Variants in ABLIM1 observed in about 807,000 individuals in gnomAD.
ABLIM1 encodes actin-binding LIM protein 1.
A neutral mutation model predicts 107.0 loss-of-function variants in ABLIM1; 40 were observed. The ratio of observed to expected loss-of-function variants is 0.37; its 90% CI spans 0.29 to 0.49. The LOEUF (loss-of-function observed/expected upper bound fraction) is 0.49. ABLIM1 is among the 20% of genes least tolerant of loss of function. The pLI, the probability that ABLIM1 is intolerant of heterozygous loss-of-function variation, is 0.97. For synonymous variants in ABLIM1, 357 were observed against 357.3 expected (o/e 1.00, Z 0.01); for missense variants, 857 against 1,008.5 (o/e 0.85, Z 2.04).
intron 1 of ABLIM1, among the ~76,000 whole-genome samples, chr10:114,624,569 T>A (rs1349194236): frequency 6.6e-6 from 1 of 152,122 alleles, no homozygotes; most frequent in Non-Finnish European, 1.5e-5. Context: ...AGGCCCAACC[T>A]CCATTTCAGA....
chr10:114,585,587 T>C (rs564346142), intron 2 of ABLIM1, among the ~76,000 whole-genome samples: 1 of 152,306 alleles, frequency 6.6e-6, no homozygotes, highest in Admixed American at 6.5e-5. Context: ...CCTGCTCTAC[T>C]TTGCCAAATG....
chr10:114,534,363 C>G (rs2065766532), intron 6 of ABLIM1, among the ~76,000 whole-genome samples: 1 of 152,052 alleles, frequency 6.6e-6, no homozygotes, highest in Non-Finnish European at 1.5e-5. Flanking sequence ...AACTATATCC[C>G]TTACTGCACT....
At chr10:114,485,168 G>T in intron 8 of ABLIM1, 1 of 588,056 alleles carries the variant, frequency 1.7e-6, no homozygotes, top group Non-Finnish European at 2.8e-6. Flanking sequence ...GGCGCTTGTG[G>T]TGTGAGAAAA....
At position 114,435,649 on chromosome 10, in the gene ABLIM1, C is replaced by G. The variant is rs2059300624; in HGVS notation, c.*611G>C. 6.6e-6 allele frequency: 1 copy of G among 152,200 alleles called. No homozygotes were observed. The highest frequency in any genetic ancestry group is 2.1e-4 in the South Asian group (1 of 4,824). 9.4% of individuals were successfully genotyped at this position (152,200 alleles called of 1,614,324 possible). Reference sequence around the variant, plus strand: ...CCAGGTCCCGGTGAACAGTAGAGAACAAGGAGCTTGCTAAGAATTAATTTT... The same window carrying G: ...CCAGGTCCCGGTGAACAGTAGAGAAGAAGGAGCTTGCTAAGAATTAATTTT... On this transcript the variant is annotated 3_prime_UTR_variant, in exon 23 of 23. Transcript: ENST00000533213.
Position 114,478,187 on chromosome 10 carries a change from T to C in ABLIM1, c.1042-4231A>G, listed in dbSNP as rs561779932. Among the ~76,000 whole-genome samples the C allele has an allele frequency of 1.4e-3, 209 of 152,352 alleles. 1 individual carries two copies. The highest frequency in any genetic ancestry group is 4.8e-3 in the African/African-American group (201 of 41,574). ...AGACCCATTTGGTTTTTAAAAGTTT[T>C]CAGATCCAAATTACCTCCAATTTGA... is the stretch of plus-strand genomic sequence containing the variant. On this transcript the variant is annotated intron_variant, in intron 8 of 22. Transcript: ENST00000533213.
chr10:114,446,527 G>T (rs534017513), intron 15 of ABLIM1, among the ~76,000 whole-genome samples: 2 of 152,294 alleles, frequency 1.3e-5, no homozygotes, highest in East Asian at 3.9e-4. Context: ...GAGGAAACAG[G>T]AAAGTTTGCT....
At chr10:114,497,071 TAGG>T (rs2059759345) in intron 6 of ABLIM1, among the ~76,000 whole-genome samples, 1 of 152,232 alleles carries the variant, frequency 6.6e-6, no homozygotes, top group South Asian at 2.1e-4. Context: ...GAGTTATTTT[TAGG>T]AGAAGGAGAA....
intron 1 of ABLIM1, among the ~76,000 whole-genome samples, chr10:114,644,070 A>G (rs1211149589): frequency 6.6e-6 from 1 of 151,332 alleles, no homozygotes; most frequent in East Asian, 1.9e-4. Flanking sequence ...TCACAAGGTC[A>G]GGAGATAGAG....
chr10:114,773,748 T>C, the ABLIM1 span, among the ~76,000 whole-genome samples: 4 of 151,734 alleles, frequency 2.6e-5, no homozygotes, highest in Admixed American at 2.6e-4. Context: ...AACAAAAAAA[T>C]TGCATGAACA....
chr10:114,667,200 G>A (rs1470246997), intron 1 of ABLIM1, among the ~76,000 whole-genome samples: 1 of 152,132 alleles, frequency 6.6e-6, no homozygotes, highest in East Asian at 1.9e-4. Context: ...GAAGGTAGCG[G>A]GGTGCAAGAT....
chr10:114,544,783 T>TC (rs763847084), intron 6 of ABLIM1, among the ~76,000 whole-genome samples: 2 of 152,106 alleles, frequency 1.3e-5, no homozygotes, highest in Non-Finnish European at 2.9e-5. Flanking sequence ...CCTTTATCAT[T>TC]CTTTTTTTTT....
chr10:114,483,785 G>A (rs898716722), intron 8 of ABLIM1, among the ~76,000 whole-genome samples: 1 of 152,254 alleles, frequency 6.6e-6, no homozygotes, highest in Non-Finnish European at 1.5e-5. Context: ...CCAAAGTGCT[G>A]CAGTGCAACC....
Position 114,653,244 on chromosome 10 carries a change from T to C in ABLIM1, c.244+4713A>G, listed in dbSNP as rs565772268. Among the ~76,000 whole-genome samples, 3 of 152,286 alleles carry C rather than the reference T, an allele frequency of 2.0e-5. No individual in the cohort carries two copies. In the South Asian group the frequency reaches 6.2e-4, roughly 32 times the overall value. On this transcript the variant is annotated intron_variant, in intron 1 of 22. Transcript: ENST00000533213. ...GAGAATATCAAACATGGAAAAATCA[T>C]GAAACACTTGGCACAGGCGAGGTAT... is the stretch of plus-strand genomic sequence containing the variant.
intron 6 of ABLIM1, among the ~76,000 whole-genome samples, chr10:114,501,054 T>C (rs1288556600): frequency 6.6e-6 from 1 of 152,170 alleles, no homozygotes; most frequent in African/African-American, 2.4e-5. Context: ...CCCTATACAA[T>C]TACTTTGGCC....
Position 114,575,390 on chromosome 10 carries a change from G to C in ABLIM1, c.563+26C>G, listed in dbSNP as rs373071979. ...CATTTCTCTGTTGGAGGAAGGTGTA[G>C]GCTTTGGAAAGATAGGCTCACTTAC... On this transcript the variant is annotated intron_variant, in intron 3 of 22. Coordinates refer to ENST00000533213, the MANE Select transcript of ABLIM1 (RefSeq NM_002313.7). 18 of 1,608,812 alleles carry C rather than the reference G, an allele frequency of 1.1e-5. No individual in the cohort carries two copies. In the African/African-American group the frequency reaches 2.1e-4, roughly 19 times the overall value.
At chr10:114,663,292 C>A (rs2079872764) in intron 1 of ABLIM1, among the ~76,000 whole-genome samples, 1 of 152,170 alleles carries the variant, frequency 6.6e-6, no homozygotes, top group African/African-American at 2.4e-5. Flanking sequence ...AGCAGCTCTC[C>A]CATGGTATTT....
At chr10:114,734,133 T>C (rs1018424316) in intron 1 of ABLIM1, among the ~76,000 whole-genome samples, 2 of 152,140 alleles carry the variant, frequency 1.3e-5, no homozygotes, top group Admixed American at 6.6e-5. Flanking sequence ...GTGCTGGGAT[T>C]ATAGGCATGA....
intron 6 of ABLIM1, among the ~76,000 whole-genome samples, chr10:114,520,649 G>C (rs969325564): frequency 1.3e-5 from 2 of 151,436 alleles, no homozygotes; most frequent in Non-Finnish European, 2.9e-5. Flanking sequence ...CGTCCTATCG[G>C]TTAAAAAAAG....
intron 4 of ABLIM1, among the ~76,000 whole-genome samples, chr10:114,565,280 G>A (rs1260720373): frequency 6.6e-6 from 1 of 152,158 alleles, no homozygotes; most frequent in Non-Finnish European, 1.5e-5. Context: ...ATGCATTCCT[G>A]CCTTTGTCAG....
Sources: allele counts gnomAD v4.1 joint callset (sites outside exome capture counted in the v4.1 genomes callset), GRCh38; gene constraint gnomAD v4.1.1; transcripts MANE v1.5; gene names NCBI Gene and HGNC (gene_info 2026-07-23, HGNC 2026-07-21).